The following CACNA1E variants were observed in gnomAD, a reference collection of about 807,000 sequenced individuals.
The protein encoded by CACNA1E is voltage-dependent R-type calcium channel subunit alpha-1E.
Under a neutral mutation model 259.2 loss-of-function variants are expected in CACNA1E, and 40 were observed. The observed-to-expected ratio is 0.15, with a 90% CI of 0.12 to 0.20. CACNA1E has a LOEUF of 0.20. Among genes scored for constraint, CACNA1E ranks in the 10% least tolerant of loss-of-function variants. CACNA1E has a pLI of 1.00. For synonymous variants in CACNA1E, 1,104 were observed against 1,138.5 expected (o/e 0.97, Z 0.61); for missense variants, 1,874 against 3,040.1 (o/e 0.62, Z 9.02).
chr1:181,695,125 AT>A (rs1490520190), intron 7 of CACNA1E, among the ~76,000 whole-genome samples: 5 of 152,190 alleles, frequency 3.3e-5, no homozygotes, highest in Non-Finnish European at 7.4e-5. Flanking sequence ...TGGATGTTAA[AT>A]ATTTAAGGAA....
chr1:181,705,859 G>A (rs983115737), intron 7 of CACNA1E, among the ~76,000 whole-genome samples: 2 of 152,162 alleles, frequency 1.3e-5, no homozygotes, highest in Admixed American at 1.3e-4. Context: ...AATTGAGACA[G>A]CAAGGTGACT....
At chr1:181,724,373 G>T in intron 16 of CACNA1E, 97 bp from the exon 17 acceptor site, 1 of 930,718 alleles carries the variant, frequency 1.1e-6, no homozygotes, top group Non-Finnish European at 1.7e-6. Context: ...TTCTGTTCCT[G>T]TTAATGTCCC....
intron 1 of CACNA1E, among the ~76,000 whole-genome samples, chr1:181,338,530 T>C (rs758026006): frequency 6.8e-5 from 10 of 147,804 alleles, no homozygotes; most frequent in Non-Finnish European, 1.0e-4. Flanking sequence ...GGCTAAGTTG[T>C]GTGAGTTCTT....
chr1:181,418,674 C>G (rs1413485563), intron 2 of CACNA1E, among the ~76,000 whole-genome samples: 1 of 152,102 alleles, frequency 6.6e-6, no homozygotes, highest in Non-Finnish European at 1.5e-5. Flanking sequence ...ATTAAACCTA[C>G]ATTTTTTCTG....
chr1:181,350,337 G>C (rs1221198809), intron 1 of CACNA1E, among the ~76,000 whole-genome samples: 1 of 152,214 alleles, frequency 6.6e-6, no homozygotes, highest in Non-Finnish European at 1.5e-5. Context: ...AGAGCTGGGT[G>C]GTTCCTGCAG....
intron 8 of CACNA1E, among the ~76,000 whole-genome samples, chr1:181,713,435 G>A (rs2102438691): frequency 6.6e-6 from 1 of 152,244 alleles, no homozygotes; most frequent in Admixed American, 6.5e-5. Flanking sequence ...TGTTAATTTA[G>A]CGTTTTGCCA....
At chr1:181,741,800 C>T (rs1311023326) in intron 25 of CACNA1E, among the ~76,000 whole-genome samples, 5 of 152,202 alleles carry the variant, frequency 3.3e-5, no homozygotes, top group South Asian at 2.1e-4. Flanking sequence ...GAAGCCTTAA[C>T]GGCCCCGGAG....
intron 6 of CACNA1E, among the ~76,000 whole-genome samples, chr1:181,587,625 T>C (rs1652197353): frequency 6.6e-6 from 1 of 152,194 alleles, no homozygotes; most frequent in Non-Finnish European, 1.5e-5. Context: ...GGCTCACTCC[T>C]GTAATCCCAG....
At chr1:181,730,318 G>A (rs1655345697) in intron 18 of CACNA1E, among the ~76,000 whole-genome samples, 1 of 152,244 alleles carries the variant, frequency 6.6e-6, no homozygotes, top group Admixed American at 6.5e-5. Context: ...ACTGGGGCAG[G>A]CTCACTGCAA....
In CACNA1E at chr1:181,784,784, T is replaced by A; in HGVS notation, c.5578+16T>A. On this transcript the variant is annotated intron_variant, in intron 41 of 47. Transcript: ENST00000367573. ...ATGCCCAAAGGTTTGGGTCTTCTCC[T>A]GGGTATCCTTGTCACTGTGGGCCCA... 6.9e-7 allele frequency: 1 copy of A among 1,441,088 alleles called. No homozygotes were observed. The allele number at this position is 1,441,088 out of a possible 1,614,324, so 89.3% of individuals were successfully genotyped here.
At chr1:181,766,886 G>C (rs1297773013) in intron 35 of CACNA1E, among the ~76,000 whole-genome samples, 1 of 152,146 alleles carries the variant, frequency 6.6e-6, no homozygotes, top group East Asian at 1.9e-4. Context: ...GGCTTCTGTG[G>C]TGACAGCCAT....
chr1:181,470,110 C>CGA (rs907619662), intron 2 of CACNA1E, among the ~76,000 whole-genome samples: 22 of 151,508 alleles, frequency 1.5e-4, no homozygotes, highest in East Asian at 7.8e-4. Context: ...AGCAAGAAAG[C>CGA]GAGAGAGAGA....
At chr1:181,731,068 G>A in intron 18 of CACNA1E, 107 bp from the exon 19 acceptor site, 1 of 808,056 alleles carries the variant, frequency 1.2e-6, no homozygotes, top group Non-Finnish European at 2.1e-6. Context: ...AGACCTGATG[G>A]CCACACAGAG....
intron 3 of CACNA1E, among the ~76,000 whole-genome samples, chr1:181,550,965 C>A (rs534060580): frequency 4.6e-5 from 7 of 151,944 alleles, no homozygotes; most frequent in Non-Finnish European, 7.4e-5. Context: ...TACATCCTTA[C>A]GCTGTATCAG....
rs149842951 is a variant in CACNA1E, at chr1:181,571,518, C to T, written c.513-6248C>T. On this transcript the variant is annotated intron_variant, in intron 3 of 47. Coordinates refer to ENST00000367573, the MANE Select transcript of CACNA1E (RefSeq NM_001205293.3). ...GAATGACAGATAAAGGAACCAACCA[C>T]GTATGGAATGCTTTTGAATGGACAC... Among the ~76,000 whole-genome samples the T allele has an allele frequency of 1.3e-4, 20 of 152,270 alleles. No homozygotes were observed. The East Asian group carries it at 3.1e-3, about 23-fold the overall frequency.
chr1:181,616,620 A>G (rs928503387), intron 6 of CACNA1E, among the ~76,000 whole-genome samples: 1 of 152,176 alleles, frequency 6.6e-6, no homozygotes, highest in Non-Finnish European at 1.5e-5. Context: ...AGGCTGAGGC[A>G]GGAGAATTGC....
chr1:181,646,852 C>T (rs1392985247), intron 6 of CACNA1E, among the ~76,000 whole-genome samples: 2 of 152,240 alleles, frequency 1.3e-5, no homozygotes, highest in Non-Finnish European at 2.9e-5. Flanking sequence ...GAGCTCACCA[C>T]CCCCATCAGT....
chr1:181,658,762 A>T (rs765824228), intron 7 of CACNA1E, among the ~76,000 whole-genome samples: 5 of 152,196 alleles, frequency 3.3e-5, no homozygotes, highest in Non-Finnish European at 5.9e-5. Context: ...AACAGCTGAT[A>T]TGAATAAATT....
At position 181,510,526 on chromosome 1, in the gene CACNA1E, C is replaced by A. The variant is rs1433609854; in HGVS notation, c.316C>A (p.Leu106Met). Residue 106 changes from leucine to methionine, a missense_variant, in exon 2 of 48, where the codon CTG becomes ATG. By Grantham distance (15) the Leu-to-Met change is conservative. Transcript: ENST00000367573. ...LATIIANCIV[L>M]ALEQHLPEDD... ...CACCATCATTGCCAACTGCATCGTC[C>A]TGGCCCTGGAGCAGCATCTTCCTGA... The A allele has an allele frequency of 6.2e-7, 1 of 1,613,846 alleles. No homozygotes were observed. The highest frequency in any genetic ancestry group is 1.3e-5 in the African/African-American group (1 of 74,940).
Sources: allele counts gnomAD v4.1 joint callset (sites outside exome capture counted in the v4.1 genomes callset), GRCh38; gene constraint gnomAD v4.1.1; transcripts MANE v1.5; gene names NCBI Gene and HGNC (gene_info 2026-07-23, HGNC 2026-07-21).